IL7R: variants seen among roughly 807,000 people sequenced by gnomAD.
IL7R encodes the protein interleukin-7 receptor subunit alpha.
IL7R carries 38 observed loss-of-function variants against 47.0 expected under a neutral mutation model. That is an observed-to-expected ratio of 0.81 (90% confidence interval 0.62 to 1.06). The LOEUF (loss-of-function observed/expected upper bound fraction) is 1.06, where lower values mean the gene tolerates loss of function less well. Among genes scored for constraint, IL7R ranks in the 50% least tolerant of loss-of-function variants. The pLI, the probability that IL7R is intolerant of heterozygous loss-of-function variation, is 0.00. For missense variants in IL7R, 633 were observed against 534.8 expected (o/e 1.18, Z -1.81); for synonymous variants, 221 against 199.8 (o/e 1.11, Z -0.89).
rs1057520828 is a variant in IL7R, at chr5:35,874,456, G to A, written c.714G>A (p.Met238Ile). ...TPEINNSSGEMDPILLTISIL... is the reference protein window; with the variant it reads ...TPEINNSSGEIDPILLTISIL... ...TCTATTCTTGCTTTCCAGGGGAGAT[G>A]GATCCTATCTTACTAACCATCAGCA... is the stretch of plus-strand genomic sequence containing the variant. The change falls in exon 6 of 8, where the codon ATG becomes ATA. Residue 238 changes from methionine to isoleucine, a missense_variant. Coordinates refer to ENST00000303115, the MANE Select transcript of IL7R (RefSeq NM_002185.5). 6.2e-7 allele frequency: 1 copy of A among 1,607,614 alleles called. No homozygotes were observed. The highest frequency in any genetic ancestry group is 1.7e-5 in the Admixed American group (1 of 59,986).
At chr5:35,875,729 C>G in intron 7 of IL7R, 142 bp downstream of exon 7, 8 of 794,078 alleles carry the variant, frequency 1.0e-5, no homozygotes, top group Non-Finnish European at 8.8e-6. Flanking sequence ...AAGACCCTAG[C>G]TGCAGTAGGG....
intron 4 of IL7R, among the ~76,000 whole-genome samples, chr5:35,872,328 A>G (rs796765054): frequency 6.6e-6 from 1 of 151,998 alleles, no homozygotes; most frequent in African/African-American, 2.4e-5. Flanking sequence ...CCTCCCAAGT[A>G]CCTGTGATTA....
chr5:35,862,819 T>C (rs893428198), intron 2 of IL7R, among the ~76,000 whole-genome samples: 1 of 152,130 alleles, frequency 6.6e-6, no homozygotes, highest in African/African-American at 2.4e-5. Flanking sequence ...ATATATTCTA[T>C]ACTCAAGAAT....
In IL7R at chr5:35,874,208, C is replaced by A. The variant is rs533613911; in HGVS notation, c.707-241C>A. ...TCAAGAAGGGAAGAGAGCATTGGTACCTTTGATGCTAGATCACGTTTACAT... is the reference window on the plus strand; with the variant it reads ...TCAAGAAGGGAAGAGAGCATTGGTAACTTTGATGCTAGATCACGTTTACAT... On this transcript the variant is annotated intron_variant, in intron 5 of 7. Transcript: ENST00000303115. Among the ~76,000 whole-genome samples the A allele has an allele frequency of 2.0e-4, 31 of 152,252 alleles. No homozygotes were observed. The South Asian group carries it at 2.1e-3, about 10-fold the overall frequency.
At position 35,867,477 on chromosome 5, in the gene IL7R, T is replaced by C. The variant is rs919258603; in HGVS notation, c.379+14T>C. The C allele has an allele frequency of 1.9e-6, 3 of 1,608,566 alleles. No homozygotes were observed. The highest frequency in any genetic ancestry group is 2.5e-6 in the Non-Finnish European group (3 of 1,177,060). On this transcript the variant is annotated intron_variant, in intron 3 of 7. Transcript: ENST00000303115. ...TAACCACTATAGGTAAGAAGTTGTATATAAAAGTATGGTTGTCACTTTTGG... is the reference window on the plus strand; with the variant it reads ...TAACCACTATAGGTAAGAAGTTGTACATAAAAGTATGGTTGTCACTTTTGG...
In IL7R at chr5:35,860,851, G is replaced by A. The variant is rs200803157; in HGVS notation, c.83-1G>A. ...ACAGCTGCATGTTTGTTCCTCCCCA[G>A]GAGACTTGGAAGATGCAGAACTGGA... is the stretch of plus-strand genomic sequence containing the variant. On this transcript the variant is annotated splice_acceptor_variant, in intron 1 of 7. Coordinates refer to ENST00000303115, the MANE Select transcript of IL7R (RefSeq NM_002185.5). LOFTEE classifies it high-confidence loss of function. 1.2e-6 allele frequency: 2 copies of A among 1,613,248 alleles called. No homozygotes were observed. Among genetic ancestry groups the A allele is most frequent in the Non-Finnish European group, 1.7e-6 (2 of 1,179,446 alleles).
chr5:35,869,835 T>G (rs774601973), intron 3 of IL7R, among the ~76,000 whole-genome samples: 1 of 152,182 alleles, frequency 6.6e-6, no homozygotes, highest in Non-Finnish European at 1.5e-5. Context: ...TTTTCCCTTT[T>G]GATAAACTTC....
intron 2 of IL7R, among the ~76,000 whole-genome samples, chr5:35,866,082 G>A (rs1759931634): frequency 1.3e-5 from 2 of 152,102 alleles, no homozygotes; most frequent in Admixed American, 6.6e-5. Flanking sequence ...GATTGAGGAA[G>A]TGTCTTTCTA....
chr5:35,866,590 A>G (rs2149898683), intron 2 of IL7R, among the ~76,000 whole-genome samples: 1 of 152,284 alleles, frequency 6.6e-6, no homozygotes, highest in South Asian at 2.1e-4. Context: ...AGAGAAATAT[A>G]ACTGTTGAAA....
At position 35,877,243 on chromosome 5, in the gene IL7R, G is replaced by A. The variant is rs1317821419; in HGVS notation, c.*757G>A. 4.3e-6 allele frequency: 1 copy of A among 233,048 alleles called. No homozygotes were observed. Among genetic ancestry groups the A allele is most frequent in the Non-Finnish European group, 8.5e-6 (1 of 118,026 alleles). The allele number at this position is 233,048 out of a possible 1,614,324, so 14.4% of individuals were successfully genotyped here. On this transcript the variant is annotated 3_prime_UTR_variant, in exon 8 of 8. Coordinates refer to ENST00000303115, the MANE Select transcript of IL7R (RefSeq NM_002185.5). Reference sequence around the variant, plus strand: ...CTCCGGGACAATGAGCAAAAACTAGGACTGTCCCCAGACAAATGTGAACAT... The same window carrying A: ...CTCCGGGACAATGAGCAAAAACTAGAACTGTCCCCAGACAAATGTGAACAT...
Position 35,878,141 on chromosome 5 carries a change from T to G in IL7R, c.*1655T>G, listed in dbSNP as rs1036427858. 3 of 233,210 alleles carry G rather than the reference T, an allele frequency of 1.3e-5. No individual in the cohort carries two copies. The highest frequency in any genetic ancestry group is 1.1e-4 in the Admixed American group (2 of 17,782). The allele number at this position is 233,210 out of a possible 1,614,324, so 14.4% of individuals were successfully genotyped here. A position where few individuals can be genotyped will look rare whatever the true frequency, so the allele number is the denominator to read the frequency against. On this transcript the variant is annotated 3_prime_UTR_variant, in exon 8 of 8. Transcript: ENST00000303115. ...GACCTTATCTGTTGGCTTAAAGGAC[T>G]GGTAAGATCAGACCATCTTATTCTT...
chr5:35,876,648 G>T lies in IL7R; in HGVS notation c.*162G>T. The T allele has an allele frequency of 4.0e-6, 3 of 745,346 alleles. No individual in the cohort carries two copies. In the Admixed American group the frequency reaches 6.3e-5, roughly 16 times the overall value. The allele number at this position is 745,346 out of a possible 1,614,324, so 46.2% of individuals were successfully genotyped here. On this transcript the variant is annotated 3_prime_UTR_variant, in exon 8 of 8. Coordinates refer to ENST00000303115, the MANE Select transcript of IL7R (RefSeq NM_002185.5). ...AAACATTGCTTTGACCACTCTTCCT[G>T]AGTTCAGTGGCACTCAACATGAGTC...
In IL7R at chr5:35,870,720, T is replaced by A. The variant is rs41309814; in HGVS notation, c.380-336T>A. Among the ~76,000 whole-genome samples, 1,023 of 152,294 alleles carry A rather than the reference T, an allele frequency of 6.7e-3. 13 individuals carry two copies. The highest frequency in any genetic ancestry group is 0.023 in the African/African-American group (965 of 41,570). Reference sequence around the variant, plus strand: ...CTTCTCCCAGCAGTATTAGGGGCACTTTCCATCTTGTGGCTCCACCGTCTG... The same window carrying A: ...CTTCTCCCAGCAGTATTAGGGGCACATTCCATCTTGTGGCTCCACCGTCTG... On this transcript the variant is annotated intron_variant, in intron 3 of 7. Transcript: ENST00000303115.
intron 5 of IL7R, 118 bp downstream of exon 5, chr5:35,873,766 A>C: frequency 1.1e-6 from 1 of 908,340 alleles, no homozygotes; most frequent in Admixed American, 1.8e-5. Context: ...CTTGGAGGGC[A>C]CTCTTACACT....
chr5:35,871,710 T>G (rs973382998), intron 4 of IL7R, among the ~76,000 whole-genome samples: 1 of 152,188 alleles, frequency 6.6e-6, no homozygotes, highest in Non-Finnish European at 1.5e-5. Flanking sequence ...ACAGCTTAAT[T>G]TTTACCCTTC....
At chr5:35,863,273 T>C (rs759018003) in intron 2 of IL7R, among the ~76,000 whole-genome samples, 1 of 152,182 alleles carries the variant, frequency 6.6e-6, no homozygotes. Context: ...TCTCTAGTTT[T>C]CATGACTGTA....
At chr5:35,870,951 G>A in intron 3 of IL7R, 105 bp from the exon 4 acceptor site, 1 of 996,198 alleles carries the variant, frequency 1.0e-6, no homozygotes, top group East Asian at 2.4e-5. Flanking sequence ...GCCATTTACT[G>A]ACACAAAAAG....
intron 3 of IL7R, among the ~76,000 whole-genome samples, chr5:35,869,357 T>G (rs1674574874): frequency 6.6e-6 from 1 of 152,156 alleles, no homozygotes; most frequent in African/African-American, 2.4e-5. Flanking sequence ...AATGAGCCCC[T>G]TTTTCTAATT....
chr5:35,865,871 C>A (rs1759926529), intron 2 of IL7R, among the ~76,000 whole-genome samples: 1 of 152,108 alleles, frequency 6.6e-6, no homozygotes. Flanking sequence ...TCATCAATGG[C>A]CATCAGAGAA....
Sources: gnomAD v4.1 joint callset for allele counts (sites outside exome capture counted in the v4.1 genomes callset) on GRCh38, gnomAD v4.1.1 for gene constraint, MANE v1.5 for transcripts, NCBI Gene and HGNC (gene_info 2026-07-23, HGNC 2026-07-21) for gene names.